The following EGF variants were observed in gnomAD, a reference collection of about 807,000 sequenced individuals.
EGF encodes epidermal growth factor.
A neutral mutation model predicts 143.8 loss-of-function variants in EGF; 95 were observed. The ratio of observed to expected loss-of-function variants is 0.66; its 90% CI spans 0.56 to 0.78. The LOEUF (loss-of-function observed/expected upper bound fraction) is 0.78, where lower values mean the gene tolerates loss of function less well. EGF is among the 30% of genes least tolerant of loss of function. The probability of loss-of-function intolerance (pLI) is 0.00; values close to 1 mark genes in which losing one functional copy is unlikely to be tolerated. For missense variants in EGF, 1,320 were observed against 1,470.9 expected (o/e 0.90, Z 1.68); for synonymous variants, 510 against 510.5 (o/e 1.00, Z 0.01).
chr4:109,997,902 G>A (rs1340626350), intron 20 of EGF, among the ~76,000 whole-genome samples: 2 of 152,184 alleles, frequency 1.3e-5, no homozygotes, highest in Non-Finnish European at 2.9e-5. Flanking sequence ...TTGTTTATCT[G>A]TATTGAGTCT....
intron 1 of EGF, among the ~76,000 whole-genome samples, chr4:109,930,377 C>T (rs985316113): frequency 1.3e-5 from 2 of 152,154 alleles, no homozygotes; most frequent in African/African-American, 2.4e-5. Flanking sequence ...TAGGGGCTTT[C>T]TGTGGGAGCA....
At chr4:109,987,608 C>A in intron 16 of EGF, 136 bp from the exon 17 acceptor site, 2 of 769,590 alleles carry the variant, frequency 2.6e-6, no homozygotes, top group Non-Finnish European at 4.7e-6. Context: ...GTCAACTAAG[C>A]GTTTCTATTT....
At chr4:109,951,263 C>G (rs1743872335) in intron 5 of EGF, among the ~76,000 whole-genome samples, 1 of 152,036 alleles carries the variant, frequency 6.6e-6, no homozygotes, top group South Asian at 2.1e-4. Context: ...GAGGCTGAGA[C>G]AGGAGAACCA....
In EGF at chr4:110,008,382, G is replaced by T; in HGVS notation, c.3370+152G>T. 3 of 986,198 alleles carry T rather than the reference G, an allele frequency of 3.0e-6. No individual in the cohort carries two copies. The Admixed American group carries it at 6.1e-5, about 20-fold the overall frequency. 61.1% of individuals were successfully genotyped at this position (986,198 alleles called of 1,614,324 possible). On this transcript the variant is annotated intron_variant, in intron 23 of 23. Coordinates refer to ENST00000265171, the MANE Select transcript of EGF (RefSeq NM_001963.6). ...GTGAATAGCTGGGCTGTATTGAAAT[G>T]CCATGGACCTGATTTGCACTGGAGT...
At chr4:109,981,783 A>G (rs942256650) in intron 15 of EGF, among the ~76,000 whole-genome samples, 11 of 152,328 alleles carry the variant, frequency 7.2e-5, no homozygotes, top group South Asian at 2.1e-4. Context: ...CCTCTAGCTA[A>G]CCATCATAAC....
At chr4:109,916,072 T>A (rs932430728) in intron 1 of EGF, among the ~76,000 whole-genome samples, 1 of 152,176 alleles carries the variant, frequency 6.6e-6, no homozygotes, top group African/African-American at 2.4e-5. Context: ...TGTACCTGCA[T>A]TATTTATATG....
chr4:109,992,198 AAAG>A, intron 18 of EGF: 1 of 141,812 alleles, frequency 7.1e-6, no homozygotes, highest in African/African-American at 2.7e-5. Context: ...AAAAAAAAAA[AAAG>A]ACAGAGAGAG....
At chr4:109,971,496 AG>A (rs1747653781) in intron 11 of EGF, among the ~76,000 whole-genome samples, 1 of 152,074 alleles carries the variant, frequency 6.6e-6, no homozygotes, top group Admixed American at 6.5e-5. Flanking sequence ...CACATTCACA[AG>A]GGACCTCTAA....
At chr4:109,932,946 G>C (rs1451128732) in intron 1 of EGF, among the ~76,000 whole-genome samples, 1 of 152,132 alleles carries the variant, frequency 6.6e-6, no homozygotes, top group Admixed American at 6.5e-5. Flanking sequence ...AGTTATTAGA[G>C]ACAAGTTATA....
Position 109,993,228 on chromosome 4 carries a change from A to T in EGF, c.2735-19A>T. 1.9e-6 allele frequency: 3 copies of T among 1,613,230 alleles called. No individual in the cohort carries two copies. Among genetic ancestry groups the T allele is most frequent in the Non-Finnish European group, 2.5e-6 (3 of 1,179,786 alleles). ...TCTGTACCCCACTTTTCTCTCCCGTACTCTGTCTTTTCTGACAGATATTGA... is the reference window on the plus strand; with the variant it reads ...TCTGTACCCCACTTTTCTCTCCCGTTCTCTGTCTTTTCTGACAGATATTGA... On this transcript the variant is annotated intron_variant, in intron 18 of 23. Coordinates refer to ENST00000265171, the MANE Select transcript of EGF (RefSeq NM_001963.6).
intron 22 of EGF, among the ~76,000 whole-genome samples, chr4:110,005,094 T>G (rs1462912370): frequency 7.3e-6 from 1 of 137,532 alleles, no homozygotes; most frequent in African/African-American, 2.8e-5. Flanking sequence ...CAGGCTGGAG[T>G]GCAGTAATCC....
At chr4:109,920,822 C>T (rs978636108) in intron 1 of EGF, among the ~76,000 whole-genome samples, 4 of 151,636 alleles carry the variant, frequency 2.6e-5, no homozygotes, top group East Asian at 3.8e-4. Flanking sequence ...CTCCAGAATG[C>T]TAATATTGTT....
Position 109,987,836 on chromosome 4 carries a change from G to A in EGF, c.2584G>A (p.Ala862Thr), listed in dbSNP as rs779866555. The A allele has an allele frequency of 1.9e-6, 3 of 1,613,804 alleles. No individual in the cohort carries two copies. Among genetic ancestry groups the A allele is most frequent in the Non-Finnish European group, 2.5e-6 (3 of 1,179,776 alleles). ...DATCQCLKGF[A>T]GDGKLCSDID... ...CACATGTCAGTGTTTGAAAGGATTT[G>A]CTGGGGATGGAAAACTATGTTCTGG... The change falls in exon 17 of 24, where the codon GCT becomes ACT. Residue 862 changes from alanine to threonine, a missense_variant. Ala to Thr is a moderately conservative substitution (Grantham distance 58). Transcript: ENST00000265171.
chr4:109,948,718 T>C (rs1440789018), intron 5 of EGF, among the ~76,000 whole-genome samples: 1 of 152,102 alleles, frequency 6.6e-6, no homozygotes, highest in Non-Finnish European at 1.5e-5. Flanking sequence ...ACTCCTGAGC[T>C]CAAGCGATCT....
chr4:109,980,575 T>C (rs1335484538), intron 14 of EGF: 7 of 537,998 alleles, frequency 1.3e-5, no homozygotes, highest in Non-Finnish European at 2.0e-5. Context: ...CACATTTGAC[T>C]AAAGAGCTTC....
chr4:109,968,690 A>G (rs1176856595), intron 10 of EGF: 1 of 414,144 alleles, frequency 2.4e-6, no homozygotes, highest in African/African-American at 2.1e-5. Flanking sequence ...CTATCTATCT[A>G]TCTATCTATC....
At chr4:109,964,662 C>T in intron 10 of EGF, 125 bp downstream of exon 10, 1 of 1,366,952 alleles carries the variant, frequency 7.3e-7, no homozygotes, top group South Asian at 1.3e-5. Context: ...AGGCACAGAA[C>T]AAGTTAAATA....
At chr4:109,913,497 C>G (rs370707668) in intron 1 of EGF, 35 bp downstream of exon 1, 5 of 1,608,128 alleles carry the variant, frequency 3.1e-6, no homozygotes, top group Admixed American at 3.4e-5. Context: ...TCCAGGTCTC[C>G]GGGAAACTGC....
At position 109,997,077 on chromosome 4, in the gene EGF, T is replaced by C. The variant is rs1369534756; in HGVS notation, c.3005+2197T>C. On this transcript the variant is annotated intron_variant, in intron 20 of 23. Coordinates refer to ENST00000265171, the MANE Select transcript of EGF (RefSeq NM_001963.6). Reference sequence around the variant, plus strand: ...CTGAGCATTCGGGGAGCAGAGTTTTTAAGGACAGCTTGGTGGGTTAGGGGA... The same window carrying C: ...CTGAGCATTCGGGGAGCAGAGTTTTCAAGGACAGCTTGGTGGGTTAGGGGA... Among the ~76,000 whole-genome samples the C allele has an allele frequency of 2.6e-5, 4 of 152,144 alleles. No individual in the cohort carries two copies. In the East Asian group the frequency reaches 7.7e-4, roughly 29 times the overall value.
Sources: allele counts gnomAD v4.1 joint callset (sites outside exome capture counted in the v4.1 genomes callset), GRCh38; gene constraint gnomAD v4.1.1; transcripts MANE v1.5; gene names NCBI Gene and HGNC (gene_info 2026-07-23, HGNC 2026-07-21).